Variants in IHO1 observed in about 807,000 individuals in gnomAD.
IHO1 encodes interactor of HORMAD1 protein 1.
A neutral mutation model predicts 31.0 loss-of-function variants in IHO1; 13 were observed. The observed-to-expected ratio is 0.42, with a 90% confidence interval of 0.27 to 0.67. The LOEUF is 0.67. Ranked by LOEUF, IHO1 falls within the 30% of genes least tolerant of loss-of-function variation. IHO1 has a pLI of 0.24. For missense variants in IHO1, 599 were observed against 687.5 expected, an observed-to-expected ratio of 0.87 and a Z score of 1.44; for synonymous variants, 221 against 248.4, an observed-to-expected ratio of 0.89 and a Z score of 1.04.
intron 2 of IHO1, among the ~76,000 whole-genome samples, chr3:49,219,437 G>A (rs894007247): frequency 2.0e-5 from 3 of 152,152 alleles, no homozygotes; most frequent in African/African-American, 7.2e-5. Context: ...TTCCCGTAAG[G>A]AATACTTTTA....
intron 4 of IHO1, among the ~76,000 whole-genome samples, chr3:49,241,876 C>T (rs921493592): frequency 6.6e-6 from 1 of 151,868 alleles, no homozygotes; most frequent in African/African-American, 2.4e-5. Flanking sequence ...CCATCTCAGC[C>T]TCCCAAAATG....
intron 2 of IHO1, among the ~76,000 whole-genome samples, chr3:49,226,887 G>A (rs564292758): frequency 6.6e-6 from 1 of 152,224 alleles, no homozygotes; most frequent in South Asian, 2.1e-4. Context: ...TACCTGGGTT[G>A]GGCCAAATTC....
intron 4 of IHO1, among the ~76,000 whole-genome samples, chr3:49,243,408 G>A (rs1180842968): frequency 6.6e-6 from 1 of 151,868 alleles, no homozygotes; most frequent in Non-Finnish European, 1.5e-5. Context: ...GCCTCCCAAA[G>A]TGATGGGATT....
At chr3:49,248,432 CAA>C (rs2046722790) in intron 6 of IHO1, among the ~76,000 whole-genome samples, 1 of 148,084 alleles carries the variant, frequency 6.8e-6, no homozygotes, top group African/African-American at 2.5e-5. Context: ...CAAAACAAAA[CAA>C]AACAAAACAA....
chr3:49,226,632 G>A (rs768310282), intron 2 of IHO1, among the ~76,000 whole-genome samples: 4 of 152,166 alleles, frequency 2.6e-5, no homozygotes, highest in Non-Finnish European at 5.9e-5. Flanking sequence ...CCTTTCTTCA[G>A]CTGTCATTCT....
At chr3:49,222,333 G>A (rs1395233211) in intron 2 of IHO1, among the ~76,000 whole-genome samples, 2 of 152,168 alleles carry the variant, frequency 1.3e-5, no homozygotes, top group African/African-American at 2.4e-5. Flanking sequence ...TCTTGTACAG[G>A]TAATTAGGAG....
chr3:49,200,685 C>T, intron 1 of IHO1: 1 of 439,752 alleles, frequency 2.3e-6, no homozygotes, highest in Non-Finnish European at 3.0e-6. Flanking sequence ...AACTTTTTCT[C>T]CCCTTTTATG....
chr3:49,233,747 C>A (rs1453602774), intron 2 of IHO1, among the ~76,000 whole-genome samples: 1 of 152,200 alleles, frequency 6.6e-6, no homozygotes, highest in Non-Finnish European at 1.5e-5. Flanking sequence ...TGGCCATAAA[C>A]AAAATCTCTG....
intron 1 of IHO1, among the ~76,000 whole-genome samples, chr3:49,207,700 G>A (rs935092423): frequency 1.3e-5 from 2 of 151,778 alleles, no homozygotes; most frequent in African/African-American, 4.8e-5. Context: ...CCTTGTAAAC[G>A]TTTAAAAATT....
At chr3:49,241,550 C>G (rs1462966297) in intron 4 of IHO1, among the ~76,000 whole-genome samples, 161 bp downstream of exon 4, 1 of 151,974 alleles carries the variant, frequency 6.6e-6, no homozygotes, top group African/African-American at 2.4e-5. Flanking sequence ...CACACACACA[C>G]ACACACACAC....
chr3:49,202,495 TTGTGTGTGTGTGTGTGTG>T (rs113425200), intron 1 of IHO1, among the ~76,000 whole-genome samples: 5,952 of 129,952 alleles, frequency 0.046, 249 homozygotes, highest in Middle Eastern at 0.073. Flanking sequence ...CCGGCTAATT[TTGTGTGTGTGTGTGTGTG>T]TGTGTGTGTG....
chr3:49,207,250 T>G (rs1340062840), intron 1 of IHO1, among the ~76,000 whole-genome samples: 1 of 139,022 alleles, frequency 7.2e-6, no homozygotes, highest in Non-Finnish European at 1.6e-5. Context: ...TCTGGTGAGG[T>G]TTTTTTTTTT....
chr3:49,200,687 C>T (rs1266766519), intron 1 of IHO1: 1 of 412,890 alleles, frequency 2.4e-6, no homozygotes, highest in African/African-American at 2.2e-5. Flanking sequence ...CTTTTTCTCC[C>T]CTTTTATGCT....
In IHO1 at chr3:49,254,451, G is replaced by A. The variant is rs555806098; in HGVS notation, c.533-939G>A. ...ATAAATGATGGTAGGGCACATACAC[G>A]GTGCTACCTGCAGAGAGAAGCAACA... On this transcript the variant is annotated intron_variant, in intron 6 of 7. Transcript: ENST00000452691. Among the ~76,000 whole-genome samples the A allele has an allele frequency of 1.7e-4, 26 of 152,188 alleles. 1 individual carries two copies. The East Asian group carries it at 4.4e-3, about 26-fold the overall frequency.
intron 6 of IHO1, among the ~76,000 whole-genome samples, chr3:49,249,345 A>G (rs1263738139): frequency 6.6e-6 from 1 of 151,506 alleles, no homozygotes; most frequent in African/African-American, 2.4e-5. Flanking sequence ...ATCTTGGCTC[A>G]CTGCAGCCTC....
intron 2 of IHO1, among the ~76,000 whole-genome samples, chr3:49,222,409 A>G (rs993059397): frequency 1.3e-5 from 2 of 152,224 alleles, no homozygotes; most frequent in East Asian, 1.9e-4. Flanking sequence ...ATAGGCAAAG[A>G]GTAAATAGGA....
At position 49,218,797 on chromosome 3, in the gene IHO1, C is replaced by T. The variant is rs117937926; in HGVS notation, c.56+6961C>T. Among the ~76,000 whole-genome samples the T allele has an allele frequency of 6.0e-3, 908 of 152,246 alleles. 9 individuals are homozygous for T. The highest frequency in any genetic ancestry group is 0.02 in the African/African-American group (848 of 41,536). ...GCCAAACTTGCTGAGTCATGCAGGC[C>T]TGGATATCTGCCTCGGCCTATTCCT... On this transcript the variant is annotated intron_variant, in intron 2 of 7. Transcript: ENST00000452691.
intron 2 of IHO1, among the ~76,000 whole-genome samples, chr3:49,217,791 C>T (rs1269602437): frequency 3.9e-5 from 6 of 152,178 alleles, no homozygotes; most frequent in Non-Finnish European, 7.3e-5. Flanking sequence ...TCATAAGGAG[C>T]GCACAACCTA....
intron 2 of IHO1, among the ~76,000 whole-genome samples, chr3:49,224,675 TC>T (rs1240738897): frequency 2.0e-5 from 3 of 152,246 alleles, no homozygotes; most frequent in Non-Finnish European, 4.4e-5. Flanking sequence ...AACCTGCCCT[TC>T]GTATCCCATT....
Sources: gnomAD v4.1 joint callset for allele counts (sites outside exome capture counted in the v4.1 genomes callset) on GRCh38, gnomAD v4.1.1 for gene constraint, MANE v1.5 for transcripts, NCBI Gene and HGNC (gene_info 2026-07-23, HGNC 2026-07-21) for gene names.